Variants in JAM3 observed in about 807,000 individuals in gnomAD.
JAM3 encodes junctional adhesion molecule 3, also known as junctional adhesion molecule C.
JAM3 carries 31 observed loss-of-function variants against 39.4 expected under a neutral mutation model. That is an observed-to-expected ratio of 0.79 (90% CI 0.59 to 1.06). The LOEUF (loss-of-function observed/expected upper bound fraction) is 1.06. Among genes scored for constraint, JAM3 ranks in the 50% least tolerant of loss-of-function variants. JAM3 has a pLI of 0.00. For synonymous variants in JAM3, 182 were observed against 148.7 expected (o/e 1.22, Z -1.63); for missense variants, 455 against 391.4 (o/e 1.16, Z -1.37).
At chr11:134,088,217 G>A (rs1591773404) in intron 1 of JAM3, among the ~76,000 whole-genome samples, 1 of 152,078 alleles carries the variant, frequency 6.6e-6, no homozygotes, top group East Asian at 1.9e-4. Flanking sequence ...CATTCCAAAA[G>A]CAGTGGCATA....
intron 6 of JAM3, 57 bp downstream of exon 6, chr11:134,146,102 T>C: frequency 8.5e-7 from 1 of 1,169,696 alleles, no homozygotes; most frequent in Non-Finnish European, 1.3e-6. Context: ...ATAGAACATT[T>C]TAATTTAATA....
At chr11:134,142,538 TTCCTAAC>T (rs1942995425) in intron 3 of JAM3, among the ~76,000 whole-genome samples, 1 of 152,220 alleles carries the variant, frequency 6.6e-6, no homozygotes, top group South Asian at 2.1e-4. Context: ...GTGTCATGTT[TTCCTAAC>T]TCCTTCCCCT....
At chr11:134,071,301 G>C (rs527446947) in intron 1 of JAM3, among the ~76,000 whole-genome samples, 102 of 152,320 alleles carry the variant, frequency 6.7e-4, no homozygotes, top group Non-Finnish European at 1.2e-3. Flanking sequence ...GAGAGATTCA[G>C]ACCCTTGTCG....
chr11:134,118,835 A>C (rs1458379783), intron 1 of JAM3, among the ~76,000 whole-genome samples: 8 of 152,100 alleles, frequency 5.3e-5, no homozygotes, highest in Non-Finnish European at 7.4e-5. Flanking sequence ...TTTCAATTGG[A>C]GATGAGAGCG....
intron 1 of JAM3, among the ~76,000 whole-genome samples, chr11:134,130,082 G>C (rs1942739820): frequency 6.6e-6 from 1 of 152,160 alleles, no homozygotes; most frequent in African/African-American, 2.4e-5. Flanking sequence ...TTTGAAGATG[G>C]AATTATAAGC....
chr11:134,150,964 T>G lies in JAM3; in HGVS notation c.*1783T>G, dbSNP rs1330687413. 2.6e-5 allele frequency: 4 copies of G among 152,234 alleles called. No homozygotes were observed. The highest frequency in any genetic ancestry group is 5.9e-5 in the Non-Finnish European group (4 of 68,044). The allele number at this position is 152,234 out of a possible 1,614,324, so 9.4% of individuals were successfully genotyped here. Reference sequence around the variant, plus strand: ...TAAATTTTTCATCCGCCGGAGACACTGCTCCCATTTGTGGGGGGACATTAG... The same window carrying G: ...TAAATTTTTCATCCGCCGGAGACACGGCTCCCATTTGTGGGGGGACATTAG... On this transcript the variant is annotated 3_prime_UTR_variant, in exon 9 of 9. Coordinates refer to ENST00000299106, the MANE Select transcript of JAM3 (RefSeq NM_032801.5).
At chr11:134,149,075 GACTT>G in intron 8 of JAM3, 67 bp from the exon 9 acceptor site, 1 of 1,565,200 alleles carries the variant, frequency 6.4e-7, no homozygotes, top group Non-Finnish European at 8.8e-7. Context: ...GCCCATGTTA[GACTT>G]ACTCCGTGTT....
chr11:134,089,333 T>G (rs1432803835), intron 1 of JAM3, among the ~76,000 whole-genome samples: 1 of 152,166 alleles, frequency 6.6e-6, no homozygotes, highest in African/African-American at 2.4e-5. Context: ...TATTATACTT[T>G]AAGTTTTAGG....
At chr11:134,094,474 A>G (rs1941938192) in intron 1 of JAM3, among the ~76,000 whole-genome samples, 1 of 135,414 alleles carries the variant, frequency 7.4e-6, no homozygotes, top group Non-Finnish European at 1.6e-5. Context: ...TCCACCTTAC[A>G]TGTGACTTCC....
At chr11:134,113,714 G>A (rs961462139) in intron 1 of JAM3, among the ~76,000 whole-genome samples, 4 of 152,194 alleles carry the variant, frequency 2.6e-5, no homozygotes, top group African/African-American at 9.7e-5. Context: ...ACCCAGTAAT[G>A]GGATGGCTGG....
At chr11:134,071,034 T>G (rs765064130) in intron 1 of JAM3, among the ~76,000 whole-genome samples, 1 of 152,252 alleles carries the variant, frequency 6.6e-6, no homozygotes, top group African/African-American at 2.4e-5. Context: ...TGCTTTAAGC[T>G]ACCCTAAAAC....
At chr11:134,089,556 G>A in intron 1 of JAM3, among the ~76,000 whole-genome samples, 1 of 152,048 alleles carries the variant, frequency 6.6e-6, no homozygotes, top group Non-Finnish European at 1.5e-5. Context: ...AGAACATGTG[G>A]TGTTTGGTTT....
intron 1 of JAM3, among the ~76,000 whole-genome samples, chr11:134,119,861 C>T (rs1441790828): frequency 6.6e-6 from 1 of 152,168 alleles, no homozygotes; most frequent in African/African-American, 2.4e-5. Context: ...TTTGTACTTT[C>T]ATTTTCAATG....
intron 1 of JAM3, among the ~76,000 whole-genome samples, chr11:134,076,042 G>GAGC (rs60278540): frequency 6.9e-6 from 1 of 144,458 alleles, no homozygotes; most frequent in Non-Finnish European, 1.5e-5. Flanking sequence ...TCAATACACA[G>GAGC]TTTTTCCACC....
At chr11:134,139,424 C>T (rs1411918839) in intron 1 of JAM3, among the ~76,000 whole-genome samples, 1 of 152,196 alleles carries the variant, frequency 6.6e-6, no homozygotes, top group East Asian at 1.9e-4. Flanking sequence ...AGAGTTCCAG[C>T]CCAAGAGTCT....
intron 3 of JAM3, among the ~76,000 whole-genome samples, chr11:134,141,456 A>T (rs552568367): frequency 4.7e-5 from 7 of 149,576 alleles, no homozygotes; most frequent in African/African-American, 1.2e-4. Flanking sequence ...GAGGGAGGAG[A>T]GGGGGGAGAG....
intron 1 of JAM3, among the ~76,000 whole-genome samples, chr11:134,121,594 G>T (rs988363797): frequency 6.6e-6 from 1 of 151,944 alleles, no homozygotes; most frequent in Non-Finnish European, 1.5e-5. Flanking sequence ...TGTCAAACTG[G>T]CTTCAGCTAG....
At chr11:134,084,443 CTATA>C (rs1319282864) in intron 1 of JAM3, among the ~76,000 whole-genome samples, 3 of 152,172 alleles carry the variant, frequency 2.0e-5, no homozygotes, top group African/African-American at 2.4e-5. Context: ...AAAATACTGA[CTATA>C]TATAAAGCTC....
At chr11:134,084,628 T>C (rs1333788728) in intron 1 of JAM3, among the ~76,000 whole-genome samples, 1 of 152,214 alleles carries the variant, frequency 6.6e-6, no homozygotes, top group African/African-American at 2.4e-5. Context: ...CTAACTGTGC[T>C]TGTTCCTGCC....
Sources: gnomAD v4.1 joint callset for allele counts (sites outside exome capture counted in the v4.1 genomes callset) on GRCh38, gnomAD v4.1.1 for gene constraint, MANE v1.5 for transcripts, NCBI Gene and HGNC (gene_info 2026-07-23, HGNC 2026-07-21) for gene names.